The following RBM10 variants were observed in gnomAD, a reference collection of about 807,000 sequenced individuals.
RBM10 encodes RNA binding motif protein 10, also known as RNA-binding protein 10.
A neutral mutation model predicts 84.9 loss-of-function variants in RBM10; 1 was observed. That is an observed-to-expected ratio of 0.01 (90% confidence interval 0.00 to 0.06). RBM10 has a LOEUF of 0.06. RBM10 is among the 10% of genes least tolerant of loss of function. The pLI, the probability that RBM10 is intolerant of heterozygous loss-of-function variation, is 1.00. For synonymous variants in RBM10, 326 were observed against 344.5 expected (o/e 0.95, Z 0.60); for missense variants, 438 against 839.0 (o/e 0.52, Z 5.90).
intron 11 of RBM10, 44 bp downstream of exon 11, chrX:47,180,353 C>T (rs1935438075): frequency 3.6e-6 from 4 of 1,097,649 alleles, no homozygotes; most frequent in African/African-American, 3.8e-5. Context: ...CCCCTCCCCA[C>T]CCTCCCACTC....
chrX:47,145,643 T>G (rs1932093979), intron 1 of RBM10, 158 bp downstream of exon 1: 2 of 405,360 alleles, frequency 4.9e-6, no homozygotes, highest in Non-Finnish European at 3.7e-6. Context: ...TTGGTTTTTT[T>G]TTTTTTTTTT....
chrX:47,179,569 G>A (rs1477862004), intron 9 of RBM10, 74 bp downstream of exon 9: 11 of 1,054,386 alleles, frequency 1.0e-5, no homozygotes, highest in Non-Finnish European at 1.4e-5. Flanking sequence ...AGAAATGGCA[G>A]TGAGCAGGAC....
At chrX:47,176,661 C>T in intron 7 of RBM10, 75 bp downstream of exon 7, 1 of 1,188,164 alleles carries the variant, frequency 8.4e-7, no homozygotes, top group Non-Finnish European at 1.1e-6. Flanking sequence ...CCCTTCCTCT[C>T]CCGCTCTTTC....
chrX:47,171,190 G>C lies in RBM10; in HGVS notation c.364G>C (p.Glu122Gln). 8.3e-7 allele frequency: 1 copy of C among 1,208,171 alleles called. No individual in the cohort carries two copies. Among genetic ancestry groups the C allele is most frequent in the Non-Finnish European group, 1.1e-6 (1 of 894,167 alleles). ...GEEEEEEEDE[E>Q]EEEKASNIVM... is the part of the protein sequence containing the mutation. The stretch of plus-strand genomic sequence containing the variant: ...GGAGGAGGAGGAGGAGGAGGATGAG[G>C]AGGAGGAGGAGAAGGCCAGTAACAT... The change falls in exon 4 of 24, where the codon GAG becomes CAG. Residue 122 changes from glutamate (E) to glutamine (Q), a missense_variant. Transcript: ENST00000377604.
chrX:47,165,995 G>A (rs1162089459), intron 2 of RBM10, among the ~76,000 whole-genome samples: 3 of 110,915 alleles, frequency 2.7e-5, no homozygotes, highest in Admixed American at 1.9e-4. Flanking sequence ...ACTCCAGCCT[G>A]GGTGACAGAG....
chrX:47,151,720 A>C (rs1932798116), intron 2 of RBM10, among the ~76,000 whole-genome samples: 1 of 112,232 alleles, frequency 8.9e-6, no homozygotes, highest in South Asian at 3.7e-4. Flanking sequence ...CATCCTCAGC[A>C]CATGGCAGTT....
intron 2 of RBM10, chrX:47,156,923 GA>G: frequency 1.4e-5 from 3 of 216,351 alleles, no homozygotes; most frequent in Non-Finnish European, 1.8e-5. Flanking sequence ...TCTGGTCTTG[GA>G]AAATGGTGGC....
intron 17 of RBM10, among the ~76,000 whole-genome samples, chrX:47,182,666 G>T (rs1935631409): frequency 8.9e-6 from 1 of 112,591 alleles, no homozygotes; most frequent in Non-Finnish European, 1.9e-5. Context: ...CAGGCCATAA[G>T]GGGGTGGGCA....
intron 2 of RBM10, among the ~76,000 whole-genome samples, chrX:47,158,447 A>G (rs1398701270): frequency 8.9e-6 from 1 of 111,787 alleles, no homozygotes; most frequent in Non-Finnish European, 1.9e-5. Context: ...TCTGTCGCCC[A>G]GGCTGGAGTA....
At chrX:47,171,385 A>G in intron 4 of RBM10, 127 bp downstream of exon 4, 2 of 1,028,888 alleles carry the variant, frequency 1.9e-6, no homozygotes, top group Non-Finnish European at 2.6e-6. Flanking sequence ...TCCAGCTCCT[A>G]TCCCCCAGCA....
chrX:47,156,674 G>A (rs1344693785), intron 2 of RBM10: 4 of 163,890 alleles, frequency 2.4e-5, no homozygotes, highest in East Asian at 2.5e-4. Context: ...GGGAGGCCAC[G>A]CTGTGCTGCT....
intron 2 of RBM10, chrX:47,157,405 C>T (rs1284332840): frequency 9.3e-6 from 3 of 324,301 alleles, no homozygotes; most frequent in South Asian, 3.4e-5. Context: ...GAGTTGGTGC[C>T]GTGAGCCACT....
intron 2 of RBM10, among the ~76,000 whole-genome samples, chrX:47,150,524 GAAT>G (rs782082979): frequency 1.8e-5 from 2 of 112,017 alleles, no homozygotes; most frequent in East Asian, 5.6e-4. Context: ...TTCCACTCTT[GAAT>G]ATGGCATACG....
chrX:47,173,118 C>A lies in RBM10; in HGVS notation c.433-10C>A. On this transcript the variant is annotated splice_polypyrimidine_tract_variant and intron_variant, in intron 4 of 23. Coordinates refer to ENST00000377604, the MANE Select transcript of RBM10 (RefSeq NM_005676.5). ...GCTGAGCCTGCCCTACTCTGTATCTCCCCGTATAGATCCGTGGCCAGCTGC... is the reference window on the plus strand; with the variant it reads ...GCTGAGCCTGCCCTACTCTGTATCTACCCGTATAGATCCGTGGCCAGCTGC... The A allele has an allele frequency of 8.2e-7, 1 of 1,212,353 alleles. No individual in the cohort carries two copies. Among genetic ancestry groups the A allele is most frequent in the Non-Finnish European group, 1.1e-6 (1 of 895,655 alleles).
At chrX:47,151,164 A>T (rs1248345734) in intron 2 of RBM10, among the ~76,000 whole-genome samples, 3 of 108,776 alleles carry the variant, frequency 2.8e-5, no homozygotes, top group African/African-American at 1.0e-4. Flanking sequence ...TCAGCCTTCC[A>T]AGTAGCTAGG....
At chrX:47,182,382 G>T (rs1280694542) in intron 17 of RBM10, 56 bp downstream of exon 17, 2 of 1,168,746 alleles carry the variant, frequency 1.7e-6, no homozygotes, top group Non-Finnish European at 2.3e-6. Flanking sequence ...TCCAGCAACG[G>T]CACTCTGTCA....
In RBM10 at chrX:47,181,292, G is replaced by A. The variant is rs868970029; in HGVS notation, c.1326G>A (p.Glu442=). Residue 442 remains glutamate (E), a synonymous_variant, in exon 13 of 24, where the codon GAG becomes GAA. Transcript: ENST00000377604. ...ACTACAGCTACTACCAACAGGATGA[G>A]GGCTATGGCAACAGCCAGGGCACAG... The part of the protein sequence containing the change: ...PVDYSYYQQD[E]GYGNSQGTES... 1 of 1,185,197 alleles carries A rather than the reference G, an allele frequency of 8.4e-7. No individual in the cohort carries two copies. Among genetic ancestry groups the A allele is most frequent in the Non-Finnish European group, 1.1e-6 (1 of 881,949 alleles).
intron 2 of RBM10, chrX:47,157,679 G>A (rs1933277805): frequency 3.8e-6 from 2 of 533,187 alleles, no homozygotes; most frequent in Non-Finnish European, 6.9e-6. Context: ...GGGACTGGCT[G>A]TCATTCTGGT....
At chrX:47,158,791 G>A (rs146798467) in intron 2 of RBM10, among the ~76,000 whole-genome samples, 156 of 112,166 alleles carry the variant, frequency 1.4e-3, no homozygotes, top group African/African-American at 4.9e-3. Context: ...CTTAGTTCCC[G>A]ACAGATGGTC....
Sources: allele counts gnomAD v4.1 joint callset (sites outside exome capture counted in the v4.1 genomes callset), GRCh38; gene constraint gnomAD v4.1.1; transcripts MANE v1.5; gene names NCBI Gene and HGNC (gene_info 2026-07-23, HGNC 2026-07-21).